Variants in NCOR1 observed in about 807,000 individuals in gnomAD.
NCOR1 encodes the protein nuclear receptor corepressor 1.
Under a neutral mutation model 288.1 loss-of-function variants are expected in NCOR1, and 63 were observed. That is an observed-to-expected ratio of 0.22 (90% CI 0.18 to 0.27). NCOR1 has a LOEUF of 0.27. NCOR1 is among the 10% of genes least tolerant of loss of function. NCOR1 has a pLI of 1.00. For missense variants in NCOR1, 2,397 were observed against 3,019.2 expected, an observed-to-expected ratio of 0.79 and a Z score of 4.83; for synonymous variants, 1,007 against 1,065.9, an observed-to-expected ratio of 0.94 and a Z score of 1.08.
chr17:16,130,918 G>A (rs545462942), intron 14 of NCOR1, among the ~76,000 whole-genome samples: 5 of 151,430 alleles, frequency 3.3e-5, no homozygotes, highest in African/African-American at 7.3e-5. Context: ...CAAATTCCTA[G>A]GCTCAAGTGA....
rs1332140577 is a variant in NCOR1, at chr17:16,079,544, G to A, written c.3501+420C>T. On this transcript the variant is annotated intron_variant, in intron 26 of 45. Transcript: ENST00000268712. ...TTGTTAATACCATCCACATTTCCTG[G>A]TTTAGCATTAGATTCTAACAAGGCA... Among the ~76,000 whole-genome samples the A allele has an allele frequency of 2.0e-5, 3 of 152,092 alleles. No individual in the cohort carries two copies. The East Asian group carries it at 5.8e-4, about 29-fold the overall frequency.
Position 16,171,879 on chromosome 17 carries a change from T to C in NCOR1, c.359A>G (p.Gln120Arg). The C allele has an allele frequency of 6.2e-7, 1 of 1,613,478 alleles. No homozygotes were observed. Among genetic ancestry groups the C allele is most frequent in the Non-Finnish European group, 8.5e-7 (1 of 1,179,740 alleles). The change falls in exon 4 of 46, where the codon CAG becomes CGG. Residue 120 changes from glutamine to arginine, a missense_variant. Gln to Arg is a conservative substitution (Grantham distance 43). Coordinates refer to ENST00000268712, the MANE Select transcript of NCOR1 (RefSeq NM_006311.4). ...RLEQVSDSHF[Q>R]RVSAAVLPLV... is the part of the protein sequence containing the mutation. ...AGGCAAAACCGCAGCACTGACACGC[T>C]GAAAATGAGAATCAGAAACCTGTTC... is the stretch of plus-strand genomic sequence containing the variant.
At position 16,057,376 on chromosome 17, in the gene NCOR1, A is replaced by G. The variant is rs553305772; in HGVS notation, c.6392+138T>C. The G allele has an allele frequency of 2.7e-5, 21 of 788,964 alleles. No individual in the cohort carries two copies. In the African/African-American group the frequency reaches 3.3e-4, roughly 12 times the overall value. 48.9% of individuals were successfully genotyped at this position (788,964 alleles called of 1,614,324 possible). On this transcript the variant is annotated intron_variant, in intron 40 of 45. Transcript: ENST00000268712. ...CATTCTAAGAATAATATGCAGGGGG[A>G]AGAAAGCTCATTTACACTTTCCTGG... is the stretch of plus-strand genomic sequence containing the variant.
intron 22 of NCOR1, among the ~76,000 whole-genome samples, chr17:16,087,901 C>A (rs2064500548): frequency 6.6e-6 from 1 of 152,104 alleles, no homozygotes; most frequent in South Asian, 2.1e-4. Flanking sequence ...GTTATCTCCA[C>A]ATAAAGCATA....
chr17:16,040,894 A>T (rs1065822), intron 42 of NCOR1: 83,316 of 184,514 alleles, frequency 0.45, 20,418 homozygotes, highest in Middle Eastern at 0.56. Flanking sequence ...AATAAATAAA[A>T]AAAGAAGCAG....
rs146878895 is a variant in NCOR1 at position 16,157,005 on chromosome 17, A to G, written c.732+1755T>C. On this transcript the variant is annotated intron_variant, in intron 6 of 45. Coordinates refer to ENST00000268712, the MANE Select transcript of NCOR1 (RefSeq NM_006311.4). ...TTTATAAAACTTAAAAAAAAAAACTATCAAATCTCCATTTGTATCACCACT... is the reference window on the plus strand; with the variant it reads ...TTTATAAAACTTAAAAAAAAAAACTGTCAAATCTCCATTTGTATCACCACT... Among the ~76,000 whole-genome samples, 39 of 152,236 alleles carry G rather than the reference A, an allele frequency of 2.6e-4. No individual in the cohort carries two copies. The East Asian group carries it at 4.8e-3, about 19-fold the overall frequency.
chr17:16,074,343 G>A (rs562109476), intron 27 of NCOR1, among the ~76,000 whole-genome samples: 20 of 152,270 alleles, frequency 1.3e-4, no homozygotes, highest in Admixed American at 4.6e-4. Context: ...TTAGGTGGCT[G>A]CTGGGTTAAA....
intron 18 of NCOR1, among the ~76,000 whole-genome samples, chr17:16,113,936 T>G (rs1880925077): frequency 6.6e-6 from 1 of 151,842 alleles, no homozygotes; most frequent in Admixed American, 6.6e-5. Flanking sequence ...TATCTTACGT[T>G]TGGTATATTA....
intron 4 of NCOR1, among the ~76,000 whole-genome samples, chr17:16,170,259 A>G (rs2082881099): frequency 6.6e-6 from 1 of 152,118 alleles, no homozygotes; most frequent in Admixed American, 6.6e-5. Context: ...ATCTGGTATC[A>G]GGGAAGAAAG....
chr17:16,192,880 A>G (rs1176873370), intron 2 of NCOR1, among the ~76,000 whole-genome samples: 1 of 152,242 alleles, frequency 6.6e-6, no homozygotes, highest in South Asian at 2.1e-4. Flanking sequence ...ATGAACTAAG[A>G]CATGTCAGAC....
At position 16,058,574 on chromosome 17, in the gene NCOR1, A is replaced by T; in HGVS notation, c.5907T>A (p.Pro1969=). 1 of 1,611,906 alleles carries T rather than the reference A, an allele frequency of 6.2e-7. No individual in the cohort carries two copies. Among genetic ancestry groups the T allele is most frequent in the Non-Finnish European group, 8.5e-7 (1 of 1,179,004 alleles). The stretch of plus-strand genomic sequence containing the variant: ...GACTTATCACCTCAATAGCATCGCT[A>T]GGTGTTTCATACCTGTGAGAAGATA... The part of the protein sequence containing the change: ...SSLSSHRYET[P]SDAIEVISPA... The change falls in exon 38 of 46, where the codon CCT becomes CCA. Residue 1969 remains proline, a synonymous_variant. Transcript: ENST00000268712.
At chr17:16,088,138 C>T (rs185516028) in intron 22 of NCOR1, among the ~76,000 whole-genome samples, 3 of 152,022 alleles carry the variant, frequency 2.0e-5, no homozygotes, top group Admixed American at 2.0e-4. Context: ...TAGTTGTATC[C>T]ATTTATCTTT....
chr17:16,039,222 T>G, intron 44 of NCOR1: 1 of 561,050 alleles, frequency 1.8e-6, no homozygotes, highest in East Asian at 3.0e-5. Context: ...GGTGACACTT[T>G]GGGTAAAAAT....
At chr17:16,065,894 T>C in intron 32 of NCOR1, 200 bp from the exon 33 acceptor site, 2 of 576,922 alleles carry the variant, frequency 3.5e-6, no homozygotes, top group Non-Finnish European at 3.1e-6. Flanking sequence ...TAAGATGTAA[T>C]GGAAAAGGGG....
intron 2 of NCOR1, among the ~76,000 whole-genome samples, chr17:16,193,021 T>C (rs567398479): frequency 4.6e-5 from 7 of 152,212 alleles, no homozygotes; most frequent in African/African-American, 1.7e-4. Flanking sequence ...CTGAGGTTAG[T>C]AGGAAGTCGG....
At chr17:16,078,749 T>C (rs1479029100) in intron 26 of NCOR1, among the ~76,000 whole-genome samples, 1 of 152,120 alleles carries the variant, frequency 6.6e-6, no homozygotes, top group African/African-American at 2.4e-5. Flanking sequence ...CTAATTTTTG[T>C]ATTTTTAGTA....
At position 16,073,450 on chromosome 17, in the gene NCOR1, G is replaced by A. The variant is rs756103958; in HGVS notation, c.3790C>T (p.Pro1264Ser). The A allele has an allele frequency of 3.1e-6, 5 of 1,607,520 alleles. No individual in the cohort carries two copies. Among genetic ancestry groups the A allele is most frequent in the East Asian group, 2.3e-5 (1 of 44,426 alleles). Residue 1264 changes from proline to serine, a missense_variant, in exon 28 of 46, where the codon CCT (proline) becomes TCT (serine). Transcript: ENST00000268712. ...TTACCCTCTAACGGTGCTGATACAGGAGACTCCCTCATTGACATCCCTTGC... is the reference window on the plus strand; with the variant it reads ...TTACCCTCTAACGGTGCTGATACAGAAGACTCCCTCATTGACATCCCTTGC... ...IKQGMSMRESPVSAPLEGLIC... is the reference protein window; with the variant it reads ...IKQGMSMRESSVSAPLEGLIC...
At chr17:16,168,138 A>T (rs1321144999) in intron 4 of NCOR1, among the ~76,000 whole-genome samples, 3 of 152,226 alleles carry the variant, frequency 2.0e-5, no homozygotes. Context: ...TCAAATTAAC[A>T]ATCTTTTTGT....
intron 41 of NCOR1, among the ~76,000 whole-genome samples, chr17:16,047,645 A>G (rs966326049): frequency 2.0e-5 from 3 of 152,220 alleles, no homozygotes; most frequent in African/African-American, 7.2e-5. Context: ...AGCTGAGTTT[A>G]ATATAAAGAG....
Sources: gnomAD v4.1 joint callset for allele counts (sites outside exome capture counted in the v4.1 genomes callset) on GRCh38, gnomAD v4.1.1 for gene constraint, MANE v1.5 for transcripts, NCBI Gene and HGNC (gene_info 2026-07-23, HGNC 2026-07-21) for gene names.